The following SOX5 variants were observed in gnomAD, a reference collection of about 807,000 sequenced individuals.
SOX5 encodes SRY-box transcription factor 5.
A neutral mutation model predicts 92.0 loss-of-function variants in SOX5; 9 were observed. That is an observed-to-expected ratio of 0.10 (90% CI 0.06 to 0.17). The LOEUF is 0.17. SOX5 is among the 10% of genes least tolerant of loss of function. The probability of loss-of-function intolerance (pLI) is 1.00; values close to 1 mark genes in which losing one functional copy is unlikely to be tolerated. For synonymous variants in SOX5, 344 were observed against 336.3 expected, an observed-to-expected ratio of 1.02 and a Z score of -0.25; for missense variants, 642 against 944.5, an observed-to-expected ratio of 0.68 and a Z score of 4.20.
At chr12:24,008,512 T>C (rs1374359555) in intron 4 of SOX5, among the ~76,000 whole-genome samples, 1 of 152,136 alleles carries the variant, frequency 6.6e-6, no homozygotes, top group Non-Finnish European at 1.5e-5. Context: ...TCCACCTATA[T>C]ATTTTTGAGG....
intron 8 of SOX5, among the ~76,000 whole-genome samples, chr12:23,631,776 G>T (rs776002259): frequency 3.9e-5 from 6 of 152,100 alleles, no homozygotes; most frequent in African/African-American, 1.4e-4. Flanking sequence ...AAACACACGT[G>T]TACTGATGTT....
At chr12:23,766,529 G>A (rs2094731926) in intron 3 of SOX5, among the ~76,000 whole-genome samples, 1 of 152,034 alleles carries the variant, frequency 6.6e-6, no homozygotes, top group Non-Finnish European at 1.5e-5. Context: ...GTAATTCCTT[G>A]ATGAAAACAC....
At chr12:23,765,753 A>G (rs1218447111) in intron 3 of SOX5, among the ~76,000 whole-genome samples, 5 of 152,294 alleles carry the variant, frequency 3.3e-5, no homozygotes, top group African/African-American at 1.2e-4. Context: ...GGATACTGCC[A>G]TCTTCTTTAT....
intron 4 of SOX5, among the ~76,000 whole-genome samples, chr12:24,203,191 T>C (rs954993531): frequency 6.6e-6 from 1 of 152,348 alleles, no homozygotes; most frequent in Middle Eastern, 3.4e-3. Context: ...TTTCATTATT[T>C]TCTTGCTCAA....
chr12:23,961,699 G>C (rs1728607120), intron 4 of SOX5, among the ~76,000 whole-genome samples: 2 of 152,046 alleles, frequency 1.3e-5, no homozygotes, highest in African/African-American at 2.4e-5. Context: ...AAAAATAAAT[G>C]CTTCTTTTTC....
chr12:23,775,701 G>A (rs549538237), intron 3 of SOX5, among the ~76,000 whole-genome samples: 2 of 152,272 alleles, frequency 1.3e-5, no homozygotes, highest in East Asian at 3.9e-4. Flanking sequence ...TAGCCACTGT[G>A]GCCATCTACA....
intron 4 of SOX5, among the ~76,000 whole-genome samples, chr12:24,035,459 G>A (rs941072694): frequency 3.3e-5 from 5 of 152,046 alleles, no homozygotes; most frequent in Admixed American, 6.6e-5. Flanking sequence ...ACTTGAAGCT[G>A]TAACAATGTA....
chr12:23,869,192 C>G (rs1185834353), intron 2 of SOX5, among the ~76,000 whole-genome samples: 1 of 152,166 alleles, frequency 6.6e-6, no homozygotes, highest in Admixed American at 6.5e-5. Context: ...TTCCTTTTTA[C>G]TAGATTCCTT....
intron 3 of SOX5, among the ~76,000 whole-genome samples, chr12:23,844,058 A>C (rs1157777102): frequency 6.6e-6 from 1 of 152,206 alleles, no homozygotes; most frequent in Non-Finnish European, 1.5e-5. Context: ...TAACCTACTG[A>C]ACATCATAAC....
chr12:24,052,563 A>C (rs758069534), intron 4 of SOX5, among the ~76,000 whole-genome samples: 3 of 152,130 alleles, frequency 2.0e-5, no homozygotes, highest in Non-Finnish European at 2.9e-5. Context: ...TTGATTTTTA[A>C]CCCTTTCACA....
At chr12:24,491,031 CAACT>C (rs1375881807) in intron 1 of SOX5, among the ~76,000 whole-genome samples, 3 of 150,162 alleles carry the variant, frequency 2.0e-5, no homozygotes, top group African/African-American at 2.5e-5. Context: ...ACAAACCAAC[CAACT>C]AACAAAAACC....
intron 9 of SOX5, among the ~76,000 whole-genome samples, chr12:23,590,753 T>G (rs1951419982): frequency 6.6e-6 from 1 of 152,076 alleles, no homozygotes; most frequent in African/African-American, 2.4e-5. Flanking sequence ...GAAGTTGTTT[T>G]GACATCTTCT....
chr12:24,305,484 A>T (rs1366540374), intron 2 of SOX5, among the ~76,000 whole-genome samples: 2 of 152,196 alleles, frequency 1.3e-5, no homozygotes, highest in Non-Finnish European at 2.9e-5. Context: ...AGTGTCTGCT[A>T]CGAGGGAGAG....
chr12:23,727,295 ATAGAG>A (rs2093185359), intron 6 of SOX5, among the ~76,000 whole-genome samples: 1 of 152,166 alleles, frequency 6.6e-6, no homozygotes, highest in Non-Finnish European at 1.5e-5. Context: ...TATCAAGGAC[ATAGAG>A]TAGTTAAAAA....
chr12:24,190,375 A>G (rs1460112650), intron 4 of SOX5, among the ~76,000 whole-genome samples: 3 of 152,242 alleles, frequency 2.0e-5, no homozygotes, highest in Non-Finnish European at 4.4e-5. Flanking sequence ...AGGAGATATC[A>G]GATGCAATAG....
At chr12:23,663,467 A>G (rs780262790) in intron 7 of SOX5, among the ~76,000 whole-genome samples, 36 of 152,130 alleles carry the variant, frequency 2.4e-4, no homozygotes, top group Admixed American at 7.2e-4. Context: ...CGGTTATGCT[A>G]TTGTTCATAC....
chr12:23,612,179 G>A (rs1302890455), intron 8 of SOX5, among the ~76,000 whole-genome samples: 1 of 151,868 alleles, frequency 6.6e-6, no homozygotes, highest in Non-Finnish European at 1.5e-5. Context: ...GAAAGGAGAG[G>A]TATGCCATAA....
intron 1 of SOX5, among the ~76,000 whole-genome samples, chr12:24,487,159 T>C (rs144052028): frequency 6.6e-6 from 1 of 152,316 alleles, no homozygotes; most frequent in African/African-American, 2.4e-5. Context: ...ACTTCTGATA[T>C]GCTAAAATGA....
chr12:24,354,236 A>G (rs991345647), intron 2 of SOX5, among the ~76,000 whole-genome samples: 6 of 152,244 alleles, frequency 3.9e-5, no homozygotes, highest in Non-Finnish European at 8.8e-5. Flanking sequence ...AAAAGGATGA[A>G]CTAGAGGTGA....
Sources: allele counts gnomAD v4.1 joint callset (sites outside exome capture counted in the v4.1 genomes callset), GRCh38; gene constraint gnomAD v4.1.1; transcripts MANE v1.5; gene names NCBI Gene and HGNC (gene_info 2026-07-23, HGNC 2026-07-21).